PRKCB: variants seen among roughly 807,000 people sequenced by gnomAD.
PRKCB encodes the protein protein kinase C beta type.
PRKCB carries 13 observed loss-of-function variants against 81.5 expected under a neutral mutation model. The observed-to-expected ratio is 0.16, with a 90% CI of 0.10 to 0.25. The LOEUF (loss-of-function observed/expected upper bound fraction) is 0.25. PRKCB is among the 10% of genes least tolerant of loss of function. The pLI is 1.00. For synonymous variants in PRKCB, 335 were observed against 321.4 expected, an observed-to-expected ratio of 1.04 and a Z score of -0.45; for missense variants, 509 against 875.7, an observed-to-expected ratio of 0.58 and a Z score of 5.29.
intron 2 of PRKCB, among the ~76,000 whole-genome samples, chr16:23,890,209 C>T (rs1409590616): frequency 6.6e-6 from 1 of 152,216 alleles, no homozygotes; most frequent in Non-Finnish European, 1.5e-5. Flanking sequence ...TGACCTTTCA[C>T]TGTCCAGTTT....
chr16:24,028,612 G>T (rs1410458136), intron 3 of PRKCB, among the ~76,000 whole-genome samples: 1 of 152,188 alleles, frequency 6.6e-6, no homozygotes, highest in Non-Finnish European at 1.5e-5. Context: ...TGTTTTACCA[G>T]AATCCTTTCG....
In PRKCB at chr16:24,218,986, CAT is replaced by C; in HGVS notation, c.*4176_*4177del. The C allele has an allele frequency of 3.0e-6, 3 of 985,200 alleles. No individual in the cohort carries two copies. The highest frequency in any genetic ancestry group is 3.6e-6 in the Non-Finnish European group (3 of 829,822). 61.0% of individuals were successfully genotyped at this position (985,200 alleles called of 1,614,324 possible). A position where few individuals can be genotyped will look rare whatever the true frequency, so the allele number is the denominator to read the frequency against. ...CTTGTGCCTCGGTTCTCTCATATGT[CAT>C]ATATAGGAGGTGAGGACTCCAGCTC... On this transcript the variant is annotated 3_prime_UTR_variant, in exon 17 of 17. Coordinates refer to ENST00000643927, the MANE Select transcript of PRKCB (RefSeq NM_002738.7).
intron 2 of PRKCB, among the ~76,000 whole-genome samples, chr16:23,884,594 G>A (rs1241119843): frequency 6.6e-6 from 1 of 152,162 alleles, no homozygotes; most frequent in Non-Finnish European, 1.5e-5. Flanking sequence ...GAATGCAGTG[G>A]TGTGACCGTA....
chr16:23,859,887 G>C (rs890690442), intron 2 of PRKCB, among the ~76,000 whole-genome samples: 1 of 148,680 alleles, frequency 6.7e-6, no homozygotes, highest in Non-Finnish European at 1.5e-5. Context: ...GAGAGAGAAA[G>C]AGAGAGAGAG....
chr16:24,158,823 T>G (rs765601883), intron 10 of PRKCB, among the ~76,000 whole-genome samples: 1 of 152,078 alleles, frequency 6.6e-6, no homozygotes, highest in Non-Finnish European at 1.5e-5. Flanking sequence ...CACGCCCAGT[T>G]AATATTTAAA....
At chr16:24,097,880 T>A (rs1488044125) in intron 7 of PRKCB, among the ~76,000 whole-genome samples, 1 of 152,202 alleles carries the variant, frequency 6.6e-6, no homozygotes, top group East Asian at 1.9e-4. Flanking sequence ...TAAGGAGTTG[T>A]GGAGACCAAA....
chr16:23,998,347 C>T (rs188255188), intron 3 of PRKCB, among the ~76,000 whole-genome samples: 5 of 152,314 alleles, frequency 3.3e-5, no homozygotes, highest in African/African-American at 7.2e-5. Flanking sequence ...TAATTATGTA[C>T]ACCAATTCAC....
chr16:23,963,411 C>T (rs1265072851), intron 2 of PRKCB: 1 of 152,236 alleles, frequency 6.6e-6, no homozygotes, highest in Non-Finnish European at 1.5e-5. Context: ...GTGTCTAGAA[C>T]ATAATCAACT....
intron 16 of PRKCB, among the ~76,000 whole-genome samples, chr16:24,213,324 C>G (rs151261850): frequency 6.6e-6 from 1 of 152,154 alleles, no homozygotes; most frequent in African/African-American, 2.4e-5. Flanking sequence ...TGAGCCACTG[C>G]GCCCAGTCAC....
chr16:24,185,151 G>A lies in PRKCB; in HGVS notation c.1574G>A (p.Trp525Ter), dbSNP rs2141975697. The change falls in exon 14 of 17, where the codon TGG (tryptophan) becomes TAG (stop). Residue 525 changes from tryptophan (W) to a stop codon, truncating the protein, a stop_gained. Coordinates refer to ENST00000643927, the MANE Select transcript of PRKCB (RefSeq NM_002738.7). LOFTEE classifies it high-confidence loss of function. ...YQPYGKSVDW[W>*]AFGVLLYEML... ...CCCTATGGGAAGTCCGTGGATTGGT[G>A]GGCATTTGGAGTCCTGCTGTATGAA... The A allele has an allele frequency of 1.2e-6, 2 of 1,614,106 alleles. No homozygotes were observed. The highest frequency in any genetic ancestry group is 1.7e-6 in the Non-Finnish European group (2 of 1,179,988).
In PRKCB at chr16:24,041,763, C is replaced by T. The variant is rs796985352; in HGVS notation, c.529+6216C>T. ...ATCCCAGCATTTTGGGAGGCTGAGGCGGCTGTATCACCTACAGTCAGGAGT... is the reference window on the plus strand; with the variant it reads ...ATCCCAGCATTTTGGGAGGCTGAGGTGGCTGTATCACCTACAGTCAGGAGT... On this transcript the variant is annotated intron_variant, in intron 5 of 16. Transcript: ENST00000643927. 5.1e-4 allele frequency among the ~76,000 whole-genome samples: 78 copies of T among 152,018 alleles called. 1 individual carries two copies. The highest frequency in any genetic ancestry group is 1.8e-3 in the African/African-American group (76 of 41,482).
intron 2 of PRKCB, among the ~76,000 whole-genome samples, chr16:23,914,312 T>C (rs1379348815): frequency 6.6e-6 from 1 of 152,230 alleles, no homozygotes; most frequent in Non-Finnish European, 1.5e-5. Flanking sequence ...AAGCCTCAGT[T>C]ACTTAATCAA....
At chr16:24,021,334 CCTTCCTTCCTTCCTTCCTT>C (rs1965396647) in intron 3 of PRKCB, among the ~76,000 whole-genome samples, 2 of 66,906 alleles carry the variant, frequency 3.0e-5, no homozygotes, top group Non-Finnish European at 5.4e-5. Flanking sequence ...TTCCTTCCTT[CCTTCCTTCCTTCCTTCCTT>C]CCTCCTTCCC....
chr16:24,021,359 TTCCC>T lies in PRKCB; in HGVS notation c.289-10764_289-10761del, dbSNP rs1965400748. 7.2e-5 allele frequency among the ~76,000 whole-genome samples: 2 copies of T among 27,774 alleles called. 1 individual carries two copies. The highest frequency in any genetic ancestry group is 5.2e-3 in the South Asian group (2 of 388). 18.2% of individuals were successfully genotyped at this position (27,774 alleles called of 152,430 possible). A position where few individuals can be genotyped will look rare whatever the true frequency, so the allele number is the denominator to read the frequency against. On this transcript the variant is annotated intron_variant, in intron 3 of 16. Coordinates refer to ENST00000643927, the MANE Select transcript of PRKCB (RefSeq NM_002738.7). ...CCTTCCTTCCTTCCTTCCTTCCTCC[TTCCC>T]TCCCTCCCTCCCCCCTCCTCCATCT... is the stretch of plus-strand genomic sequence containing the variant.
intron 9 of PRKCB, among the ~76,000 whole-genome samples, chr16:24,138,845 C>CT (rs991952336): frequency 0.04 from 3,121 of 78,884 alleles, 148 homozygotes; most frequent in East Asian, 0.079. Flanking sequence ...CAGTATTTGT[C>CT]TTTTTTTTTT....
At chr16:23,968,751 G>T (rs1964520146) in intron 2 of PRKCB, among the ~76,000 whole-genome samples, 1 of 152,196 alleles carries the variant, frequency 6.6e-6, no homozygotes, top group Non-Finnish European at 1.5e-5. Flanking sequence ...TCCCTACCTT[G>T]AAAGTGGAGG....
At chr16:24,096,100 AT>A (rs1295698071) in intron 7 of PRKCB, among the ~76,000 whole-genome samples, 2 of 152,082 alleles carry the variant, frequency 1.3e-5, no homozygotes, top group Non-Finnish European at 2.9e-5. Flanking sequence ...GATCGAGACC[AT>A]CCTGGCCAAC....
At chr16:23,962,907 T>C (rs947890324) in intron 2 of PRKCB, 2 of 151,994 alleles carry the variant, frequency 1.3e-5, no homozygotes, top group African/African-American at 4.8e-5. Flanking sequence ...CCTCCCACCA[T>C]TCCCCGGAGT....
At chr16:24,157,134 G>A (rs982862836) in intron 10 of PRKCB, among the ~76,000 whole-genome samples, 2 of 152,158 alleles carry the variant, frequency 1.3e-5, no homozygotes, top group African/African-American at 4.8e-5. Flanking sequence ...AGAGAGTAGG[G>A]GCTGGGTGTA....
Sources: allele counts gnomAD v4.1 joint callset (sites outside exome capture counted in the v4.1 genomes callset), GRCh38; gene constraint gnomAD v4.1.1; transcripts MANE v1.5; gene names NCBI Gene and HGNC (gene_info 2026-07-23, HGNC 2026-07-21).